CTDP1: variants seen among roughly 807,000 people sequenced by gnomAD.
CTDP1 encodes CTD phosphatase 1, also known as RNA polymerase II subunit A C-terminal domain phosphatase.
CTDP1 carries 47 observed loss-of-function variants against 91.8 expected under a neutral mutation model. That is an observed-to-expected ratio of 0.51 (90% CI 0.41 to 0.65). The LOEUF is 0.65. Ranked by LOEUF, CTDP1 falls within the 30% of genes least tolerant of loss-of-function variation. The pLI is 0.00. For missense variants in CTDP1, 1,272 were observed against 1,373.7 expected, an observed-to-expected ratio of 0.93 and a Z score of 1.17; for synonymous variants, 656 against 598.5, an observed-to-expected ratio of 1.10 and a Z score of -1.40.
At chr18:79,717,783 A>G (rs1476842303) in intron 9 of CTDP1, 27 bp from the exon 10 acceptor site, 3 of 1,613,780 alleles carry the variant, frequency 1.9e-6, no homozygotes, top group Admixed American at 1.7e-5. Flanking sequence ...CGCCCCGCTC[A>G]TGGCCCTCGT....
At chr18:79,709,234 T>C (rs1599240437) in intron 5 of CTDP1, among the ~76,000 whole-genome samples, 1 of 152,388 alleles carries the variant, frequency 6.6e-6, no homozygotes, top group East Asian at 1.9e-4. Flanking sequence ...ATATGTTTCC[T>C]ATATACTCTG....
chr18:79,725,523 A>ATT (rs373692705), intron 10 of CTDP1, among the ~76,000 whole-genome samples: 2 of 145,768 alleles, frequency 1.4e-5, no homozygotes, highest in South Asian at 2.1e-4. Context: ...TACCTTCTCT[A>ATT]TTTTTTTTTT....
rs749949282 is a variant in CTDP1, at chr18:79,753,802, G to A, written c.*12G>A. On this transcript the variant is annotated 3_prime_UTR_variant, in exon 13 of 13. Coordinates refer to ENST00000613122, the MANE Select transcript of CTDP1 (RefSeq NM_004715.5). ...ACGACCTCATGTGAGCGCGGGCAGC[G>A]GGCAGGGACTGAAGCCTGACCGACC... 7.4e-5 allele frequency: 119 copies of A among 1,611,866 alleles called. No homozygotes were observed. Among genetic ancestry groups the A allele is most frequent in the Non-Finnish European group, 9.2e-5 (108 of 1,179,682 alleles).
Position 79,714,626 on chromosome 18 carries a change from C to T in CTDP1, c.1166C>T (p.Ala389Val), listed in dbSNP as rs144647072. 5.4e-3 allele frequency: 8,740 copies of T among 1,612,472 alleles called. 422 individuals carry two copies. In the Admixed American group the frequency reaches 0.1, roughly 19 times the overall value. The change falls in exon 8 of 13, where the codon GCC (alanine) becomes GTC (valine). Residue 389 changes from alanine to valine, a missense_variant. By Grantham distance (64) the Ala-to-Val change is moderately conservative (BLOSUM62 0). Transcript: ENST00000613122. ...GCACGGGAGCTGAACGGCAGCGAGG[C>T]CGCCACCCCGCGGGACTCACCCCGC... ...KPARELNGSE[A>V]ATPRDSPRPG...
In CTDP1 at chr18:79,724,112, G is replaced by A. The variant is rs906982340; in HGVS notation, c.2418-4795G>A. Among the ~76,000 whole-genome samples the A allele has an allele frequency of 2.0e-4, 31 of 152,162 alleles. 1 individual carries two copies. The highest frequency in any genetic ancestry group is 1.6e-3 in the Admixed American group (25 of 15,232). On this transcript the variant is annotated intron_variant, in intron 10 of 12. Coordinates refer to ENST00000613122, the MANE Select transcript of CTDP1 (RefSeq NM_004715.5). ...CCAAGGTTCGCATCTTTCTGAGCAC[G>A]AAGATTCGCACCTTTCTGAGCACTG...
intron 1 of CTDP1, among the ~76,000 whole-genome samples, chr18:79,684,302 C>T (rs1294720015): frequency 6.6e-6 from 1 of 152,218 alleles, no homozygotes; most frequent in African/African-American, 2.4e-5. Context: ...CTAAACAGTT[C>T]TTTATAGCAT....
chr18:79,697,755 G>A (rs529963192), intron 3 of CTDP1, 105 bp from the exon 4 acceptor site: 2 of 1,536,194 alleles, frequency 1.3e-6, no homozygotes, highest in Non-Finnish European at 8.9e-7. Context: ...GTGGGGGGCT[G>A]GAGGGGAACA....
chr18:79,713,523 T>C lies in CTDP1; in HGVS notation c.1030+385T>C, dbSNP rs1004020750. 6.6e-6 allele frequency among the ~76,000 whole-genome samples: 1 copy of C among 152,200 alleles called. No homozygotes were observed. The highest frequency in any genetic ancestry group is 6.5e-5 in the Admixed American group (1 of 15,284). On this transcript the variant is annotated intron_variant, in intron 7 of 12. Coordinates refer to ENST00000613122, the MANE Select transcript of CTDP1 (RefSeq NM_004715.5). The surrounding 1 kb of genome is among the most constrained non-coding windows in gnomAD (Gnocchi z 4.7). ...CTCTGCGGGGAATAACCGTTCCCCATGCGCAGTGGTCAGGCTGGGCGCTGG... is the reference window on the plus strand; with the variant it reads ...CTCTGCGGGGAATAACCGTTCCCCACGCGCAGTGGTCAGGCTGGGCGCTGG...
In CTDP1 at chr18:79,723,094, C is replaced by T. The variant is rs1366718741; in HGVS notation, c.2417+5078C>T. Among the ~76,000 whole-genome samples, 5 of 152,220 alleles carry T rather than the reference C, an allele frequency of 3.3e-5. No individual in the cohort carries two copies. The South Asian group carries it at 8.3e-4, about 25-fold the overall frequency. On this transcript the variant is annotated intron_variant, in intron 10 of 12. Coordinates refer to ENST00000613122, the MANE Select transcript of CTDP1 (RefSeq NM_004715.5). ...TGCAGGACCACTCCACCTGTATAAA[C>T]GGGTCCAGCGTGGTCTCCTGCAGCC...
chr18:79,749,501 C>CCACGCACTCCCGAG (rs1555686073), intron 12 of CTDP1, among the ~76,000 whole-genome samples: 13 of 150,290 alleles, frequency 8.6e-5, no homozygotes, highest in South Asian at 4.2e-4. Context: ...GTGAGGGTCG[C>CCACGCACTCCCGAG]GCCCCGTGCA....
intron 8 of CTDP1, among the ~76,000 whole-genome samples, chr18:79,716,041 G>A (rs916013870): frequency 8.5e-5 from 13 of 152,144 alleles, no homozygotes; most frequent in African/African-American, 1.7e-4. Context: ...AACTTCCGCC[G>A]AATAAAACAA....
At chr18:79,742,074 G>C (rs577221900) in intron 12 of CTDP1, among the ~76,000 whole-genome samples, 129 of 147,722 alleles carry the variant, frequency 8.7e-4, no homozygotes, top group African/African-American at 3.1e-3. Flanking sequence ...ATGAGGCGTC[G>C]TGGGAGAGAG....
rs2085329526 is a variant in CTDP1 at position 79,680,176 on chromosome 18, G to T, written c.229G>T (p.Ala77Ser). The change falls in exon 1 of 13, where the codon GCG becomes TCG. Residue 77 changes from alanine to serine, a missense_variant. Physicochemically the swap from Ala to Ser is moderately conservative, Grantham distance 99. This residue lies in a region of CTDP1 where 214 missense variants were observed against 179.1 expected (regional missense o/e 1.19). Transcript: ENST00000613122. ...AGCCTCCGGGGGCTGCGTGCGCCCC[G>T]CGCGGCCGGAACGCAGGCTGAGGTC... is the stretch of plus-strand genomic sequence containing the variant. The part of the protein sequence containing the change: ...RVASGGCVRP[A>S]RPERRLRSER... 1 of 1,384,116 alleles carries T rather than the reference G, an allele frequency of 7.2e-7. No homozygotes were observed. Among genetic ancestry groups the T allele is most frequent in the Non-Finnish European group, 9.3e-7 (1 of 1,075,302 alleles). 85.7% of individuals were successfully genotyped at this position (1,384,116 alleles called of 1,614,324 possible). A position where few individuals can be genotyped will look rare whatever the true frequency, so the allele number is the denominator to read the frequency against.
At chr18:79,679,074 C>A, upstream of CTDP1, 1 of 274,640 alleles carries the variant, frequency 3.6e-6, no homozygotes, top group South Asian at 3.0e-5. Flanking sequence ...CATCAGGGTT[C>A]GCCTGGGGCC....
intron 10 of CTDP1, among the ~76,000 whole-genome samples, chr18:79,727,472 C>T (rs746048969): frequency 1.3e-5 from 2 of 152,026 alleles, no homozygotes; most frequent in East Asian, 1.9e-4. Flanking sequence ...ATGGGAAGCG[C>T]GGCTTTCGCG....
intron 1 of CTDP1, among the ~76,000 whole-genome samples, chr18:79,689,345 A>G (rs1392779592): frequency 3.3e-5 from 5 of 152,212 alleles, no homozygotes; most frequent in Non-Finnish European, 5.9e-5. Context: ...TTGTTACCAC[A>G]TAAATACATT....
chr18:79,715,387 G>GGGCT lies in CTDP1; in HGVS notation c.1928_1931dup (p.His645AlafsTer36), dbSNP rs2048128088. ...GGCAGACGTGGCCATAATTTTCAGTGGGCTACACCCGACAAACTTCCCGAT... is the reference window on the plus strand; with the variant it reads ...GGCAGACGTGGCCATAATTTTCAGTGGGCTGGCTACACCCGACAAACTTCCCGAT... On this transcript the variant is annotated frameshift_variant, in exon 8 of 13. Transcript: ENST00000613122. LOFTEE classifies it high-confidence loss of function. 6.2e-7 allele frequency: 1 copy of GGGCT among 1,606,338 alleles called. No individual in the cohort carries two copies. The highest frequency in any genetic ancestry group is 1.3e-5 in the African/African-American group (1 of 74,830).
intron 1 of CTDP1, among the ~76,000 whole-genome samples, chr18:79,689,272 T>G (rs2085570954): frequency 6.6e-6 from 1 of 152,166 alleles, no homozygotes. Flanking sequence ...TTAGTGAAGG[T>G]GGTGTCTGTT....
intron 11 of CTDP1, among the ~76,000 whole-genome samples, chr18:79,732,492 C>CT (rs2086586535): frequency 9.7e-6 from 1 of 102,718 alleles, no homozygotes; most frequent in African/African-American, 4.0e-5. Context: ...TGAGAACTCA[C>CT]ATCAGGAGTG....
Sources: allele counts gnomAD v4.1 joint callset (sites outside exome capture counted in the v4.1 genomes callset), GRCh38; gene constraint gnomAD v4.1.1; regional missense constraint gnomAD v4.1.1; non-coding constraint Gnocchi (gnomAD v3.1); transcripts MANE v1.5; gene names NCBI Gene and HGNC (gene_info 2026-07-23, HGNC 2026-07-21).